The following NFIA variants were observed in gnomAD, a reference collection of about 807,000 sequenced individuals.
NFIA encodes the protein nuclear factor 1 A-type.
A neutral mutation model predicts 62.8 loss-of-function variants in NFIA; 8 were observed. The ratio of observed to expected loss-of-function variants is 0.13; its 90% CI spans 0.07 to 0.23. The LOEUF is 0.23. NFIA is among the 10% of genes least tolerant of loss of function. The pLI is 1.00. For missense variants in NFIA, 410 were observed against 642.1 expected (o/e 0.64, Z 3.91); for synonymous variants, 235 against 238.1 (o/e 0.99, Z 0.12).
chr1:61,457,981 A>T lies in NFIA; in HGVS notation c.*2661A>T, dbSNP rs1668378437. 6.6e-6 allele frequency: 1 copy of T among 152,064 alleles called. No homozygotes were observed. The highest frequency in any genetic ancestry group is 1.5e-5 in the Non-Finnish European group (1 of 68,024). 9.4% of individuals were successfully genotyped at this position (152,064 alleles called of 1,614,324 possible). A position where few individuals can be genotyped will look rare whatever the true frequency, so the allele number is the denominator to read the frequency against. ...AACTTCCAAGTTCTGAAAATTGTTT[A>T]CTGGTTATCTCTATTTAAGGAAAAA... On this transcript the variant is annotated 3_prime_UTR_variant, in exon 11 of 11. Transcript: ENST00000403491. This position sits in a 1 kb window ranked among gnomAD's most constrained non-coding sequence, Gnocchi z 4.2.
chr1:61,123,706 G>GT (rs869285970), intron 2 of NFIA, among the ~76,000 whole-genome samples: 1 of 918 alleles, frequency 1.1e-3, no homozygotes, highest in Non-Finnish European at 4.1e-3. Flanking sequence ...AAGGCTACAT[G>GT]GTTTGGCTTA....
In NFIA at chr1:61,417,292, T is replaced by TAC. The variant is rs1666394808; in HGVS notation, c.1421-9169_1421-9168dup. Among the ~76,000 whole-genome samples, 4 of 149,098 alleles carry TAC rather than the reference T, an allele frequency of 2.7e-5. No homozygotes were observed. The East Asian group carries it at 7.8e-4, about 29-fold the overall frequency. On this transcript the variant is annotated intron_variant, in intron 9 of 10. Transcript: ENST00000403491. ...GTGTGTGTGTGTGTGTGTGTGTGTA[T>TAC]ACACATATAAGATGATTGTGACCAT...
At chr1:61,205,290 A>G (rs1652821370) in intron 2 of NFIA, among the ~76,000 whole-genome samples, 1 of 152,194 alleles carries the variant, frequency 6.6e-6, no homozygotes, top group South Asian at 2.1e-4. Flanking sequence ...GACTTAGCCT[A>G]AATGATGTAG....
chr1:61,109,181 G>T (rs1646654040), intron 2 of NFIA, among the ~76,000 whole-genome samples: 1 of 151,814 alleles, frequency 6.6e-6, no homozygotes, highest in South Asian at 2.1e-4. Context: ...TTCTAATCTT[G>T]TGAGCAGACT....
At chr1:61,311,607 T>C (rs1481746114) in intron 3 of NFIA, among the ~76,000 whole-genome samples, 1 of 152,058 alleles carries the variant, frequency 6.6e-6, no homozygotes, top group Non-Finnish European at 1.5e-5. Context: ...CATTCCCCAG[T>C]AGTAACAACC....
intron 2 of NFIA, among the ~76,000 whole-genome samples, chr1:61,175,543 T>C (rs1486270095): frequency 6.6e-6 from 1 of 152,192 alleles, no homozygotes; most frequent in East Asian, 1.9e-4. Flanking sequence ...ATTGTTAGGG[T>C]AGAGTACCAA....
rs113913435 is a variant in NFIA at position 61,082,672 on chromosome 1, TTCTC to T, written c.-98_-95del. ...AGGCTTGATTTTTTTTTCTCCCCCC[TTCTC>T]TCTCTCTCTCTCTCTCTCTCTTCCT... On this transcript the variant is annotated 5_prime_UTR_variant, in exon 1 of 11. Transcript: ENST00000403491. 8,322 of 1,403,524 alleles carry T rather than the reference TTCTC, an allele frequency of 5.9e-3. 5 individuals carry two copies. The highest frequency in any genetic ancestry group is 0.011 in the African/African-American group (710 of 66,222). 86.9% of individuals were successfully genotyped at this position (1,403,524 alleles called of 1,614,324 possible). A position where few individuals can be genotyped will look rare whatever the true frequency, so the allele number is the denominator to read the frequency against.
At chr1:61,227,419 T>C (rs1213337278) in intron 2 of NFIA, among the ~76,000 whole-genome samples, 1 of 152,214 alleles carries the variant, frequency 6.6e-6, no homozygotes, top group African/African-American at 2.4e-5. Context: ...GATTTGATGA[T>C]GGGATCTTGA....
rs565833903 is a variant in NFIA, at chr1:61,460,955, G to A, written c.*5635G>A. The A allele has an allele frequency of 2.6e-5, 4 of 152,232 alleles. No individual in the cohort carries two copies. In the South Asian group the frequency reaches 6.2e-4, roughly 24 times the overall value. The allele number at this position is 152,232 out of a possible 1,614,324, so 9.4% of individuals were successfully genotyped here. On this transcript the variant is annotated 3_prime_UTR_variant, in exon 11 of 11. Transcript: ENST00000403491. Reference sequence around the variant, plus strand: ...CTTTTCTTGATTTCGGCTGTTTTCAGTATTTTGGAGGTATACATTTACTTA... The same window carrying A: ...CTTTTCTTGATTTCGGCTGTTTTCAATATTTTGGAGGTATACATTTACTTA...
At chr1:61,396,758 G>C (rs1337116546) in intron 7 of NFIA, among the ~76,000 whole-genome samples, 1 of 151,984 alleles carries the variant, frequency 6.6e-6, no homozygotes, top group African/African-American at 2.4e-5. Context: ...CTAGCACTTG[G>C]GGAGGCCGAG....
intron 2 of NFIA, among the ~76,000 whole-genome samples, chr1:61,143,849 T>G (rs1010023000): frequency 2.6e-5 from 4 of 152,168 alleles, no homozygotes; most frequent in East Asian, 3.9e-4. Context: ...AAAGGTGGTG[T>G]TAACAGTACC....
intron 9 of NFIA, among the ~76,000 whole-genome samples, chr1:61,423,584 G>A (rs1666734775): frequency 6.6e-6 from 1 of 152,136 alleles, no homozygotes; most frequent in South Asian, 2.1e-4. Flanking sequence ...ACAGTTGTAT[G>A]TAATTAATTA....
chr1:61,130,308 C>T (rs747730715), intron 2 of NFIA, among the ~76,000 whole-genome samples: 10 of 151,968 alleles, frequency 6.6e-5, no homozygotes, highest in Non-Finnish European at 1.5e-4. Flanking sequence ...ATCAGAGATA[C>T]CAAATGTACA....
At chr1:61,214,944 G>A (rs900513917) in intron 2 of NFIA, among the ~76,000 whole-genome samples, 2 of 152,080 alleles carry the variant, frequency 1.3e-5, no homozygotes, top group Non-Finnish European at 2.9e-5. Flanking sequence ...CATTTGCAAA[G>A]AGCTGCAGAG....
At chr1:61,450,011 A>C (rs1667989752) in intron 10 of NFIA, among the ~76,000 whole-genome samples, 1 of 152,216 alleles carries the variant, frequency 6.6e-6, no homozygotes, top group Non-Finnish European at 1.5e-5. Flanking sequence ...ACCAATCCTG[A>C]GTCCTTTGGA....
chr1:61,225,678 A>G (rs569748586), intron 2 of NFIA, among the ~76,000 whole-genome samples: 1 of 152,082 alleles, frequency 6.6e-6, no homozygotes, highest in South Asian at 2.1e-4. Flanking sequence ...TACTTGCTGA[A>G]TAAGCACAAA....
At chr1:61,334,581 A>G (rs374418109) in intron 4 of NFIA, among the ~76,000 whole-genome samples, 33,417 of 91,390 alleles carry the variant, frequency 0.37, 7,654 homozygotes, top group African/African-American at 0.49. Context: ...ATATATATAT[A>G]TATATATATA....
intron 10 of NFIA, among the ~76,000 whole-genome samples, chr1:61,435,169 A>G (rs1029499597): frequency 6.6e-6 from 1 of 152,302 alleles, no homozygotes. Context: ...CTCTGGGGGA[A>G]CAGGAGGAAA....
At chr1:61,421,356 A>G (rs747702475) in intron 9 of NFIA, among the ~76,000 whole-genome samples, 11 of 152,172 alleles carry the variant, frequency 7.2e-5, no homozygotes, top group Admixed American at 2.0e-4. Flanking sequence ...GAGAGAGAGA[A>G]AAAAAATGAA....
Sources: gnomAD v4.1 joint callset for allele counts (sites outside exome capture counted in the v4.1 genomes callset) on GRCh38, gnomAD v4.1.1 for gene constraint, Gnocchi (gnomAD v3.1) non-coding constraint, MANE v1.5 for transcripts, NCBI Gene and HGNC (gene_info 2026-07-23, HGNC 2026-07-21) for gene names.